Variants in ERC2 observed in about 807,000 individuals in gnomAD.
ERC2 encodes the protein ERC protein 2.
Under a neutral mutation model 114.8 loss-of-function variants are expected in ERC2, and 42 were observed. That is an observed-to-expected ratio of 0.37 (90% CI 0.29 to 0.47). The LOEUF (loss-of-function observed/expected upper bound fraction) is 0.47, where lower values mean the gene tolerates loss of function less well. ERC2 is among the 20% of genes least tolerant of loss of function. ERC2 has a pLI of 0.99. For missense variants in ERC2, 939 were observed against 1,150.7 expected (o/e 0.82, Z 2.66); for synonymous variants, 454 against 425.5 (o/e 1.07, Z -0.82).
At chr3:55,906,204 C>T (rs190634960) in intron 13 of ERC2, among the ~76,000 whole-genome samples, 4 of 151,788 alleles carry the variant, frequency 2.6e-5, no homozygotes, top group Admixed American at 6.6e-5. Context: ...GGGCCGGGCG[C>T]GGTGGCTCAC....
intron 3 of ERC2, among the ~76,000 whole-genome samples, chr3:56,259,643 AGATTT>A (rs778512402): frequency 0.034 from 4,590 of 133,158 alleles, 138 homozygotes; most frequent in South Asian, 0.18. Flanking sequence ...ATTCTGGTAC[AGATTT>A]GATATGATAT....
chr3:56,359,006 G>A lies in ERC2; in HGVS notation c.658-62571C>T, dbSNP rs75585660. Among the ~76,000 whole-genome samples, 1,023 of 152,356 alleles carry A rather than the reference G, an allele frequency of 6.7e-3. 51 individuals are homozygous for A. In the East Asian group the frequency reaches 0.14, roughly 21 times the overall value. ...AGCAATAAAATCACTGGGTAGGGTA[G>A]ATGGCCTAAGGTGACACTTAAGGGG... On this transcript the variant is annotated intron_variant, in intron 2 of 17. Transcript: ENST00000288221.
At chr3:55,969,168 C>T (rs943497048) in intron 12 of ERC2, among the ~76,000 whole-genome samples, 3 of 152,160 alleles carry the variant, frequency 2.0e-5, no homozygotes, top group Admixed American at 6.5e-5. Context: ...GCAGCAATCA[C>T]TTCCAAACAA....
intron 6 of ERC2, among the ~76,000 whole-genome samples, chr3:56,084,136 G>C (rs1264149926): frequency 6.6e-6 from 1 of 151,998 alleles, no homozygotes; most frequent in East Asian, 1.9e-4. Context: ...AATCATCAGG[G>C]AAATGCAAAT....
chr3:56,213,444 G>C (rs115158640), intron 3 of ERC2, among the ~76,000 whole-genome samples: 1 of 152,190 alleles, frequency 6.6e-6, no homozygotes, highest in African/African-American at 2.4e-5. Context: ...AGATCAAAGT[G>C]CAAGTGGGCA....
At chr3:56,352,703 G>A (rs1391276089) in intron 2 of ERC2, among the ~76,000 whole-genome samples, 3 of 152,174 alleles carry the variant, frequency 2.0e-5, no homozygotes, top group Non-Finnish European at 2.9e-5. Flanking sequence ...TAATCAAGGT[G>A]TCAGGCAGGG....
chr3:56,222,087 T>C (rs1333799471), intron 3 of ERC2, among the ~76,000 whole-genome samples: 1 of 151,936 alleles, frequency 6.6e-6, no homozygotes, highest in Non-Finnish European at 1.5e-5. Context: ...CTGTCAAGAG[T>C]ATATTAAAAT....
chr3:56,222,830 G>A (rs2050004738), intron 3 of ERC2, among the ~76,000 whole-genome samples: 2 of 152,182 alleles, frequency 1.3e-5, no homozygotes, highest in African/African-American at 4.8e-5. Flanking sequence ...AAGCCTCCTG[G>A]CCACGACATG....
At chr3:55,963,900 C>T (rs914748542) in intron 12 of ERC2, among the ~76,000 whole-genome samples, 4 of 152,328 alleles carry the variant, frequency 2.6e-5, no homozygotes, top group Admixed American at 2.0e-4. Flanking sequence ...CCTATAAGCA[C>T]AAGGGGCACT....
At chr3:55,666,172 G>A (rs1346996202) in intron 17 of ERC2, among the ~76,000 whole-genome samples, 1 of 152,154 alleles carries the variant, frequency 6.6e-6, no homozygotes, top group Non-Finnish European at 1.5e-5. Flanking sequence ...GCTCATCAGC[G>A]GTGGAGCGGG....
chr3:55,747,701 G>C (rs536261211), intron 14 of ERC2, among the ~76,000 whole-genome samples: 1 of 152,330 alleles, frequency 6.6e-6, no homozygotes, highest in South Asian at 2.1e-4. Flanking sequence ...CCTTTGCAAA[G>C]TTTCACCAAT....
chr3:56,229,942 G>C (rs1260958778), intron 3 of ERC2, among the ~76,000 whole-genome samples: 1 of 126,404 alleles, frequency 7.9e-6, no homozygotes. Flanking sequence ...CATGATCTCA[G>C]CTCACCTCCG....
chr3:55,999,900 T>C (rs1362289250), intron 10 of ERC2, among the ~76,000 whole-genome samples: 1 of 151,584 alleles, frequency 6.6e-6, no homozygotes, highest in African/African-American at 2.4e-5. Context: ...TGATAGAAAA[T>C]TAAAGGCTAA....
intron 3 of ERC2, among the ~76,000 whole-genome samples, chr3:56,285,118 C>G (rs1423353913): frequency 6.7e-6 from 1 of 148,488 alleles, no homozygotes; most frequent in East Asian, 2.0e-4. Flanking sequence ...TACCTCCCCC[C>G]AGCACATCTG....
chr3:56,123,856 T>C (rs916386881), intron 6 of ERC2, among the ~76,000 whole-genome samples: 3 of 152,230 alleles, frequency 2.0e-5, no homozygotes, highest in South Asian at 2.1e-4. Flanking sequence ...GCCTTTATTA[T>C]TGAATTTACT....
At position 56,226,905 on chromosome 3, in the gene ERC2, C is replaced by CT. The variant is rs1268616053; in HGVS notation, c.1075-53386dup. Among the ~76,000 whole-genome samples, 8 of 152,290 alleles carry CT rather than the reference C, an allele frequency of 5.3e-5. No homozygotes were observed. The East Asian group carries it at 1.5e-3, about 29-fold the overall frequency. On this transcript the variant is annotated intron_variant, in intron 3 of 17. Coordinates refer to ENST00000288221, the MANE Select transcript of ERC2 (RefSeq NM_015576.3). ...GCTGTATTGTAGATGCCCATGATTA[C>CT]TCCAAAGACATTGGCAGCACCCAAA...
intron 13 of ERC2, among the ~76,000 whole-genome samples, chr3:55,894,855 T>C (rs1171008842): frequency 2.0e-5 from 3 of 152,202 alleles, no homozygotes; most frequent in Non-Finnish European, 4.4e-5. Context: ...GCACAATGCC[T>C]AGTACTCAGT....
chr3:56,155,280 A>G (rs1023637207), intron 4 of ERC2, among the ~76,000 whole-genome samples: 3 of 151,986 alleles, frequency 2.0e-5, no homozygotes, highest in Non-Finnish European at 4.4e-5. Context: ...TAACTCTAGG[A>G]AGGCCAATCA....
At chr3:56,067,324 T>A (rs898636784) in intron 7 of ERC2, among the ~76,000 whole-genome samples, 1 of 152,192 alleles carries the variant, frequency 6.6e-6, no homozygotes. Flanking sequence ...CAATTGCGAA[T>A]GGAAGTTCAT....
Sources: allele counts gnomAD v4.1 joint callset (sites outside exome capture counted in the v4.1 genomes callset), GRCh38; gene constraint gnomAD v4.1.1; transcripts MANE v1.5; gene names NCBI Gene and HGNC (gene_info 2026-07-23, HGNC 2026-07-21).